GRM8: variants seen among roughly 807,000 people sequenced by gnomAD.
GRM8 encodes the protein glutamate metabotropic receptor 8, also known as metabotropic glutamate receptor 8.
A neutral mutation model predicts 87.2 loss-of-function variants in GRM8; 47 were observed. The observed-to-expected ratio is 0.54, with a 90% CI of 0.43 to 0.69. GRM8 has a LOEUF of 0.69. GRM8 is among the 30% of genes least tolerant of loss of function. The pLI, the probability that GRM8 is intolerant of heterozygous loss-of-function variation, is 0.00. For synonymous variants in GRM8, 396 were observed against 404.5 expected (o/e 0.98, Z 0.25); for missense variants, 1,019 against 1,139.2 (o/e 0.89, Z 1.52).
intron 7 of GRM8, among the ~76,000 whole-genome samples, chr7:126,739,402 G>A (rs934039621): frequency 7.6e-6 from 1 of 130,824 alleles, no homozygotes; most frequent in African/African-American, 2.6e-5. Flanking sequence ...TCAAAATTGT[G>A]TTTGCACACA....
At chr7:126,833,279 T>G (rs982373219) in intron 6 of GRM8, among the ~76,000 whole-genome samples, 1 of 152,188 alleles carries the variant, frequency 6.6e-6, no homozygotes, top group Non-Finnish European at 1.5e-5. Flanking sequence ...TAGAAAAATT[T>G]AGACAACTAT....
rs1258429595 is a variant in GRM8, at chr7:126,518,593, G to A, written c.2430+14359C>T. Among the ~76,000 whole-genome samples the A allele has an allele frequency of 5.3e-5, 8 of 152,092 alleles. No homozygotes were observed. The South Asian group carries it at 6.2e-4, about 12-fold the overall frequency. On this transcript the variant is annotated intron_variant, in intron 9 of 10. Transcript: ENST00000339582. ...AAGTAATTCGGATTCTGGATCATAC[G>A]TTTGTATCATGCTATGTTGATGTGA...
chr7:127,153,011 C>T (rs1792499910), intron 2 of GRM8, among the ~76,000 whole-genome samples: 1 of 152,046 alleles, frequency 6.6e-6, no homozygotes, highest in African/African-American at 2.4e-5. Flanking sequence ...TAACACCCTC[C>T]CCATTTTCTC....
intron 6 of GRM8, among the ~76,000 whole-genome samples, chr7:126,833,026 A>G (rs1795536613): frequency 6.6e-6 from 1 of 152,246 alleles, no homozygotes; most frequent in Admixed American, 6.5e-5. Context: ...GTCACATGGT[A>G]TTCTCAAATT....
chr7:127,039,361 A>G (rs1006838520), intron 3 of GRM8, among the ~76,000 whole-genome samples: 3 of 152,138 alleles, frequency 2.0e-5, no homozygotes, highest in African/African-American at 4.8e-5. Flanking sequence ...GGAGAAAAGA[A>G]CCATCTAAAA....
intron 9 of GRM8, among the ~76,000 whole-genome samples, chr7:126,503,663 C>G (rs1349030862): frequency 6.6e-6 from 1 of 152,006 alleles, no homozygotes; most frequent in African/African-American, 2.4e-5. Flanking sequence ...TTAAAATAGT[C>G]TGTACATTAA....
At chr7:126,536,799 C>T (rs1815798015) in intron 8 of GRM8, among the ~76,000 whole-genome samples, 1 of 151,960 alleles carries the variant, frequency 6.6e-6, no homozygotes, top group Non-Finnish European at 1.5e-5. Flanking sequence ...TTGGGAACTT[C>T]CATAGATTTA....
At chr7:127,056,237 T>C (rs1819972409) in intron 3 of GRM8, among the ~76,000 whole-genome samples, 1 of 152,116 alleles carries the variant, frequency 6.6e-6, no homozygotes, top group East Asian at 1.9e-4. Context: ...GTAATTATTA[T>C]CTAGAAAGAG....
intron 9 of GRM8, among the ~76,000 whole-genome samples, chr7:126,483,862 T>C (rs1039528155): frequency 6.1e-5 from 9 of 146,376 alleles, no homozygotes; most frequent in African/African-American, 1.5e-4. Flanking sequence ...AAACCACTAA[T>C]GCATCCCTAT....
chr7:127,058,488 T>C (rs763211307), intron 3 of GRM8, among the ~76,000 whole-genome samples: 5 of 152,206 alleles, frequency 3.3e-5, no homozygotes, highest in African/African-American at 9.6e-5. Context: ...TAAATGTTAG[T>C]TCCTCCTTTT....
At chr7:127,170,405 C>G (rs1030997729) in intron 2 of GRM8, among the ~76,000 whole-genome samples, 1 of 152,174 alleles carries the variant, frequency 6.6e-6, no homozygotes, top group Non-Finnish European at 1.5e-5. Flanking sequence ...ATGTAAACTA[C>G]TAAAACCACT....
At chr7:127,124,041 C>T (rs1324718339) in intron 2 of GRM8, among the ~76,000 whole-genome samples, 1 of 152,174 alleles carries the variant, frequency 6.6e-6, no homozygotes, top group South Asian at 2.1e-4. Flanking sequence ...ATACTTTCAA[C>T]TGGGTCCTTT....
intron 3 of GRM8, among the ~76,000 whole-genome samples, chr7:126,963,912 A>T (rs139716340): frequency 1.3e-5 from 2 of 152,192 alleles, no homozygotes; most frequent in East Asian, 3.9e-4. Flanking sequence ...CTGACTTCAA[A>T]CTATACTACA....
At chr7:127,126,304 A>C (rs768859974) in intron 2 of GRM8, among the ~76,000 whole-genome samples, 1 of 152,024 alleles carries the variant, frequency 6.6e-6, no homozygotes, top group Non-Finnish European at 1.5e-5. Context: ...CAGCCGTAAA[A>C]ATAATGAAGC....
intron 7 of GRM8, among the ~76,000 whole-genome samples, chr7:126,742,371 G>C (rs1815108119): frequency 6.6e-6 from 1 of 152,022 alleles, no homozygotes; most frequent in African/African-American, 2.4e-5. Context: ...AAGGGAAAAG[G>C]CAGCTTGAAG....
chr7:126,541,824 A>G (rs1224034902), intron 8 of GRM8, among the ~76,000 whole-genome samples: 3 of 152,166 alleles, frequency 2.0e-5, no homozygotes, highest in African/African-American at 7.2e-5. Flanking sequence ...ATCACTAAAT[A>G]CTTCGTTAGT....
At chr7:127,033,608 C>A (rs1356825815) in intron 3 of GRM8, among the ~76,000 whole-genome samples, 1 of 151,974 alleles carries the variant, frequency 6.6e-6, no homozygotes, top group Non-Finnish European at 1.5e-5. Context: ...ATGTTAGAAC[C>A]AGAATTCAAA....
intron 6 of GRM8, among the ~76,000 whole-genome samples, chr7:126,900,124 T>C (rs1801926776): frequency 6.6e-6 from 1 of 152,204 alleles, no homozygotes; most frequent in Non-Finnish European, 1.5e-5. Flanking sequence ...TCTGCTTTTG[T>C]CTTTAACTTC....
intron 6 of GRM8, among the ~76,000 whole-genome samples, chr7:126,880,238 T>A (rs185535994): frequency 3.9e-5 from 6 of 152,292 alleles, no homozygotes; most frequent in Admixed American, 1.3e-4. Context: ...GAGAACATTT[T>A]CAAATGAACA....
Sources: allele counts gnomAD v4.1 joint callset (sites outside exome capture counted in the v4.1 genomes callset), GRCh38; gene constraint gnomAD v4.1.1; transcripts MANE v1.5; gene names NCBI Gene and HGNC (gene_info 2026-07-23, HGNC 2026-07-21).